SMOC2: variants seen among roughly 807,000 people sequenced by gnomAD.
SMOC2 encodes SPARC-related modular calcium-binding protein 2.
A neutral mutation model predicts 61.4 loss-of-function variants in SMOC2; 39 were observed. The observed-to-expected ratio is 0.64, with a 90% confidence interval of 0.49 to 0.83. The LOEUF (loss-of-function observed/expected upper bound fraction) is 0.83. Among genes scored for constraint, SMOC2 ranks in the 40% least tolerant of loss-of-function variants. The probability of loss-of-function intolerance (pLI) is 0.00; values close to 1 mark genes in which losing one functional copy is unlikely to be tolerated. For missense variants in SMOC2, 556 were observed against 592.9 expected, an observed-to-expected ratio of 0.94 and a Z score of 0.65; for synonymous variants, 247 against 239.9, an observed-to-expected ratio of 1.03 and a Z score of -0.27.
In SMOC2 at chr6:168,598,725, G is replaced by A. The variant is rs1583145840; in HGVS notation, c.638-93G>A. The A allele has an allele frequency of 3.1e-5, 44 of 1,427,890 alleles. No homozygotes were observed. The South Asian group carries it at 3.9e-4, about 13-fold the overall frequency. The allele number at this position is 1,427,890 out of a possible 1,614,324, so 88.5% of individuals were successfully genotyped here. A position where few individuals can be genotyped will look rare whatever the true frequency, so the allele number is the denominator to read the frequency against. On this transcript the variant is annotated intron_variant, in intron 7 of 12. Coordinates refer to ENST00000356284, the MANE Select transcript of SMOC2 (RefSeq NM_001166412.2). ...CTCCGGGGTGAAGGAGGACCACATCGTTCTTGGCAGTTCTCTGTGGCCTCC... is the reference window on the plus strand; with the variant it reads ...CTCCGGGGTGAAGGAGGACCACATCATTCTTGGCAGTTCTCTGTGGCCTCC...
At chr6:168,517,716 G>A (rs1783178135) in intron 2 of SMOC2, among the ~76,000 whole-genome samples, 1 of 152,216 alleles carries the variant, frequency 6.6e-6, no homozygotes. Flanking sequence ...CTCAGCACCT[G>A]TAGGGAGGAG....
intron 1 of SMOC2, among the ~76,000 whole-genome samples, chr6:168,461,619 T>G (rs1781720041): frequency 6.6e-6 from 1 of 152,246 alleles, no homozygotes. Flanking sequence ...TGAGTTTTAC[T>G]GCACTTTAAA....
intron 7 of SMOC2, among the ~76,000 whole-genome samples, chr6:168,570,378 G>A (rs546864553): frequency 2.0e-5 from 3 of 152,256 alleles, no homozygotes; most frequent in African/African-American, 4.8e-5. Flanking sequence ...GAGGCCCACC[G>A]CGGGGGCCGA....
chr6:168,482,680 C>T (rs1782235575), intron 1 of SMOC2, among the ~76,000 whole-genome samples: 1 of 152,022 alleles, frequency 6.6e-6, no homozygotes, highest in Non-Finnish European at 1.5e-5. Context: ...CTGAATTCAG[C>T]AGCATATTAA....
chr6:168,542,362 C>A (rs1297882640), intron 4 of SMOC2, among the ~76,000 whole-genome samples: 1 of 152,168 alleles, frequency 6.6e-6, no homozygotes, highest in Non-Finnish European at 1.5e-5. Flanking sequence ...GTAACAGTAA[C>A]AGCTGGGAAA....
intron 7 of SMOC2, among the ~76,000 whole-genome samples, chr6:168,595,043 A>AGGG (rs752571100): frequency 8.7e-4 from 8 of 9,202 alleles, no homozygotes; most frequent in Admixed American, 3.7e-3. Context: ...AGGCCTCACG[A>AGGG]GCATCTTTCT....
At chr6:168,524,848 T>C (rs955975420) in intron 2 of SMOC2, among the ~76,000 whole-genome samples, 4 of 152,224 alleles carry the variant, frequency 2.6e-5, no homozygotes, top group African/African-American at 9.7e-5. Flanking sequence ...ATGTGGCCGG[T>C]GGTTCTGCAA....
Position 168,664,095 on chromosome 6 carries a change from G to T in SMOC2, c.1307G>T (p.Ser436Ile). Reference sequence around the variant, plus strand: ...CTAGCCCCCAGAGGTCATGCTGAAAGTACGTCTAATAGACAGGTAAGTATG... The same window carrying T: ...CTAGCCCCCAGAGGTCATGCTGAAATTACGTCTAATAGACAGGTAAGTATG... ...KRHTPRGHAE[S>I]TSNRQPRKQG Residue 436 changes from serine (S) to isoleucine (I), a missense_variant, in exon 12 of 13, where the codon AGT becomes ATT. Coordinates refer to ENST00000356284, the MANE Select transcript of SMOC2 (RefSeq NM_001166412.2). 1 of 1,604,676 alleles carries T rather than the reference G, an allele frequency of 6.2e-7. No individual in the cohort carries two copies.
chr6:168,454,914 G>A (rs559909130), intron 1 of SMOC2, among the ~76,000 whole-genome samples: 104 of 152,248 alleles, frequency 6.8e-4, no homozygotes, highest in Non-Finnish European at 1.3e-3. Flanking sequence ...CCAGGGTCCC[G>A]GTTTGAGACC....
chr6:168,449,425 T>C (rs1409070307), intron 1 of SMOC2, among the ~76,000 whole-genome samples: 1 of 152,154 alleles, frequency 6.6e-6, no homozygotes, highest in Non-Finnish European at 1.5e-5. Context: ...AAATTTCAAA[T>C]AACAAAGGAA....
intron 4 of SMOC2, among the ~76,000 whole-genome samples, chr6:168,528,768 T>C (rs1783515392): frequency 6.6e-6 from 1 of 152,246 alleles, no homozygotes; most frequent in African/African-American, 2.4e-5. Flanking sequence ...AAACTTTTTC[T>C]CCAGAGCCTA....
chr6:168,480,308 T>G (rs533264414), intron 1 of SMOC2, among the ~76,000 whole-genome samples: 1 of 152,224 alleles, frequency 6.6e-6, no homozygotes, highest in Admixed American at 6.5e-5. Flanking sequence ...GCAGATCTAC[T>G]TGACAAACAT....
intron 1 of SMOC2, among the ~76,000 whole-genome samples, chr6:168,476,831 A>G (rs558831394): frequency 1.3e-5 from 2 of 152,156 alleles, no homozygotes; most frequent in African/African-American, 4.8e-5. Flanking sequence ...AAGAGTTATC[A>G]ACACTTCAAG....
intron 11 of SMOC2, among the ~76,000 whole-genome samples, chr6:168,663,665 T>C: frequency 6.6e-6 from 1 of 152,178 alleles, no homozygotes; most frequent in East Asian, 1.9e-4. Flanking sequence ...TATAGTTAGC[T>C]CTTCTGTGGA....
chr6:168,624,564 A>G (rs1786335205), intron 9 of SMOC2, among the ~76,000 whole-genome samples: 1 of 137,916 alleles, frequency 7.3e-6, no homozygotes, highest in Admixed American at 7.4e-5. Flanking sequence ...ACACACTGAC[A>G]TACAGAAACA....
intron 1 of SMOC2, among the ~76,000 whole-genome samples, chr6:168,449,103 G>A (rs946228548): frequency 1.3e-5 from 2 of 152,078 alleles, no homozygotes; most frequent in Admixed American, 6.5e-5. Context: ...AGAAGTGAAC[G>A]CAGACCTGCC....
rs1336603821 is a variant in SMOC2 at position 168,535,101 on chromosome 6, G to T, written c.463+7374G>T. On this transcript the variant is annotated intron_variant, in intron 4 of 12. Coordinates refer to ENST00000356284, the MANE Select transcript of SMOC2 (RefSeq NM_001166412.2). The surrounding 1 kb of genome is among the most constrained non-coding windows in gnomAD (Gnocchi z 4.6). ...TTCTCCTGCCTCTGCCTCCGGAGTA[G>T]CTGGGACTACAGGCACCCGCCACCA... 6.6e-6 allele frequency among the ~76,000 whole-genome samples: 1 copy of T among 151,978 alleles called. No individual in the cohort carries two copies. Among genetic ancestry groups the T allele is most frequent in the African/African-American group, 2.4e-5 (1 of 41,364 alleles).
chr6:168,448,664 C>T (rs1228054412), intron 1 of SMOC2, among the ~76,000 whole-genome samples: 1 of 152,070 alleles, frequency 6.6e-6, no homozygotes, highest in Non-Finnish European at 1.5e-5. Flanking sequence ...GCTGGCTACC[C>T]TGTCTCCACT....
intron 7 of SMOC2, among the ~76,000 whole-genome samples, chr6:168,550,664 G>A (rs1390358822): frequency 3.9e-5 from 6 of 152,100 alleles, no homozygotes; most frequent in Non-Finnish European, 5.9e-5. Flanking sequence ...CCTTCTGGGC[G>A]GAGATGAGGA....
Sources: gnomAD v4.1 joint callset for allele counts (sites outside exome capture counted in the v4.1 genomes callset) on GRCh38, gnomAD v4.1.1 for gene constraint, Gnocchi (gnomAD v3.1) non-coding constraint, MANE v1.5 for transcripts, NCBI Gene and HGNC (gene_info 2026-07-23, HGNC 2026-07-21) for gene names.